Variants in PHACTR2 observed in about 807,000 individuals in gnomAD.
PHACTR2 encodes the protein chromosome 6 open reading frame 56.
In PHACTR2, 30 loss-of-function variants were observed where a neutral mutation model predicts 76.0. That is an observed-to-expected ratio of 0.39 (90% CI 0.30 to 0.54). The LOEUF (loss-of-function observed/expected upper bound fraction) is 0.54. PHACTR2 is among the 20% of genes least tolerant of loss of function. The pLI, the probability that PHACTR2 is intolerant of heterozygous loss-of-function variation, is 0.61. For missense variants in PHACTR2, 696 were observed against 781.1 expected (o/e 0.89, Z 1.30); for synonymous variants, 292 against 292.5 (o/e 1.00, Z 0.02).
At chr6:143,796,573 C>T (rs1008123507) in intron 11 of PHACTR2, among the ~76,000 whole-genome samples, 4 of 152,044 alleles carry the variant, frequency 2.6e-5, no homozygotes, top group Admixed American at 1.3e-4. Flanking sequence ...TCCCCCACCC[C>T]CTACAGGCCC....
rs1029503220 is a variant in PHACTR2 at position 143,779,325 on chromosome 6, G to A, written c.1645+1942G>A. Among the ~76,000 whole-genome samples, 5 of 151,478 alleles carry A rather than the reference G, an allele frequency of 3.3e-5. 1 individual carries two copies. The South Asian group carries it at 6.3e-4, about 19-fold the overall frequency. On this transcript the variant is annotated intron_variant, in intron 9 of 12. Coordinates refer to ENST00000440869, the MANE Select transcript of PHACTR2 (RefSeq NM_001100164.2). ...TATGTGATACAGTGTGGTTTTTAAG[G>A]ACGTTTACTTTAACTAGGTCATCTT... is the stretch of plus-strand genomic sequence containing the variant.
Position 143,625,269 on chromosome 6 carries a change from A to C in PHACTR2, c.13+16947A>C, listed in dbSNP as rs767319496. On this transcript the variant is annotated intron_variant, in intron 1 of 11. Coordinates refer to the PHACTR2 transcript ENST00000305766. The surrounding 1 kb of genome is among the most constrained non-coding windows in gnomAD (Gnocchi z 4.3). ...ATGTATACGTACAATAGAATTAGAT[A>C]GTTTCTGTGCCAGAATTCTTATTTA... Among the ~76,000 whole-genome samples the C allele has an allele frequency of 5.9e-5, 9 of 152,202 alleles. No homozygotes were observed. Among genetic ancestry groups the C allele is most frequent in the Non-Finnish European group, 1.3e-4 (9 of 68,028 alleles).
chr6:143,589,946 A>G lies in PHACTR2; in HGVS notation c.217+52739A>G, dbSNP rs1210063944. Among the ~76,000 whole-genome samples, 1 of 152,194 alleles carries G rather than the reference A, an allele frequency of 6.6e-6. No individual in the cohort carries two copies. Among genetic ancestry groups the G allele is most frequent in the Non-Finnish European group, 1.5e-5 (1 of 68,026 alleles). On this transcript the variant is annotated intron_variant, in intron 1 of 11. Transcript: ENST00000367584. The surrounding 1 kb of genome is among the most constrained non-coding windows in gnomAD (Gnocchi z 4.4). ...AAAGTAGATGGCAAATTCCTAAACAAAACGTAACCTAACCCAGCAATGTGT... is the reference window on the plus strand; with the variant it reads ...AAAGTAGATGGCAAATTCCTAAACAGAACGTAACCTAACCCAGCAATGTGT...
intron 1 of PHACTR2, among the ~76,000 whole-genome samples, chr6:143,690,214 T>G (rs1777613179): frequency 6.6e-6 from 1 of 152,224 alleles, no homozygotes; most frequent in South Asian, 2.1e-4. Context: ...CTCAATATGT[T>G]CAAATACTCG....
In PHACTR2 at chr6:143,777,433, T is replaced by G. The variant is rs759689318; in HGVS notation, c.1645+50T>G. 29 of 961,322 alleles carry G rather than the reference T, an allele frequency of 3.0e-5. No homozygotes were observed. Among genetic ancestry groups the G allele is most frequent in the Non-Finnish European group, 4.2e-5 (26 of 625,194 alleles). The allele number at this position is 961,322 out of a possible 1,614,324, so 59.5% of individuals were successfully genotyped here. ...ATTCCTTGTGTAATCGCTAACAAGC[T>G]GCCTCTACAGATGATCGATTTATCA... On this transcript the variant is annotated intron_variant, in intron 9 of 12. Transcript: ENST00000440869. The surrounding 1 kb of genome is among the most constrained non-coding windows in gnomAD (Gnocchi z 4.6).
chr6:143,591,531 G>A lies in PHACTR2; in HGVS notation c.217+54324G>A, dbSNP rs1419240590. On this transcript the variant is annotated intron_variant, in intron 1 of 11. Transcript: ENST00000367584. The surrounding 1 kb of genome is among the most constrained non-coding windows in gnomAD (Gnocchi z 6.4). ...AGCCAGGGGTTATGTGTTTCCAAGA[G>A]CAGCATGAACACAGCCCAGAGAGGC... 6.6e-6 allele frequency among the ~76,000 whole-genome samples: 1 copy of A among 152,170 alleles called. No homozygotes were observed. The highest frequency in any genetic ancestry group is 1.9e-4 in the East Asian group (1 of 5,184).
At position 143,625,400 on chromosome 6, in the gene PHACTR2, T is replaced by A. The variant is rs1030576901; in HGVS notation, c.13+17078T>A. ...ATATTTAAGTTATAAATTTATTAGT[T>A]ATTTATAACTTAATCTTTATAAGCA... On this transcript the variant is annotated intron_variant, in intron 1 of 11. Transcript: ENST00000305766. The surrounding 1 kb of genome is among the most constrained non-coding windows in gnomAD (Gnocchi z 4.3). 2.6e-5 allele frequency among the ~76,000 whole-genome samples: 4 copies of A among 152,196 alleles called. No individual in the cohort carries two copies. The highest frequency in any genetic ancestry group is 9.6e-5 in the African/African-American group (4 of 41,462).
At chr6:143,575,728 C>T (rs1225335952) in intron 1 of PHACTR2, among the ~76,000 whole-genome samples, 1 of 151,990 alleles carries the variant, frequency 6.6e-6, no homozygotes, top group Non-Finnish European at 1.5e-5. Flanking sequence ...TTGTTTTTAA[C>T]TATTTAATGT....
rs2128479345 is a variant in PHACTR2 at position 143,787,604 on chromosome 6, AC to A, written c.1708-1166del. The stretch of plus-strand genomic sequence containing the variant: ...GGCTGTTAATGACTACAGAATGTAG[AC>A]CCAGTGCAAAATAAGGAATATCTCT... On this transcript the variant is annotated intron_variant, in intron 10 of 12. Coordinates refer to ENST00000440869, the MANE Select transcript of PHACTR2 (RefSeq NM_001100164.2). This position sits in a 1 kb window ranked among gnomAD's most constrained non-coding sequence, Gnocchi z 4.6. Among the ~76,000 whole-genome samples, 1 of 152,266 alleles carries A rather than the reference AC, an allele frequency of 6.6e-6. No individual in the cohort carries two copies. Among genetic ancestry groups the A allele is most frequent in the East Asian group, 1.9e-4 (1 of 5,172 alleles).
intron 1 of PHACTR2, among the ~76,000 whole-genome samples, chr6:143,609,123 C>G (rs1054916073): frequency 7.9e-5 from 12 of 152,280 alleles, no homozygotes; most frequent in African/African-American, 2.9e-4. Context: ...CTGGTATCAG[C>G]TTGAAGGTGA....
chr6:143,538,784 A>G (rs1475169325), intron 1 of PHACTR2, among the ~76,000 whole-genome samples: 1 of 152,248 alleles, frequency 6.6e-6, no homozygotes, highest in East Asian at 1.9e-4. Context: ...AAAAACCTCA[A>G]AAGCATTGCC....
At position 143,801,665 on chromosome 6, in the gene PHACTR2, G is replaced by A. The variant is rs998957637; in HGVS notation, c.1846-5392G>A. Among the ~76,000 whole-genome samples the A allele has an allele frequency of 1.3e-5, 2 of 152,088 alleles. No individual in the cohort carries two copies. Among genetic ancestry groups the A allele is most frequent in the Admixed American group, 1.3e-4 (2 of 15,258 alleles). ...GATCATGCTCCTTTAGCTCGGAGAA[G>A]TTTGTTATTACTGACCTTCTGAAGC... is the stretch of plus-strand genomic sequence containing the variant. On this transcript the variant is annotated intron_variant, in intron 11 of 12. Coordinates refer to ENST00000440869, the MANE Select transcript of PHACTR2 (RefSeq NM_001100164.2). This position sits in a 1 kb window ranked among gnomAD's most constrained non-coding sequence, Gnocchi z 4.6.
At position 143,597,014 on chromosome 6, in the gene PHACTR2, C is replaced by T. The variant is rs145759570; in HGVS notation, c.217+59807C>T. On this transcript the variant is annotated intron_variant, in intron 1 of 11. Coordinates refer to the PHACTR2 transcript ENST00000367584. This position sits in a 1 kb window ranked among gnomAD's most constrained non-coding sequence, Gnocchi z 5.7. ...GCTGCCAGCACAGCCCTCCTGCCTC[C>T]TTCCCTCCTGCGTTTCTGCTCCCAG... 1.3e-5 allele frequency among the ~76,000 whole-genome samples: 2 copies of T among 152,316 alleles called. No homozygotes were observed. Among genetic ancestry groups the T allele is most frequent in the Non-Finnish European group, 2.9e-5 (2 of 68,030 alleles).
In PHACTR2 at chr6:143,823,183, C is replaced by T. The variant is rs1776461503; in HGVS notation, c.1923-491C>T. The stretch of plus-strand genomic sequence containing the variant: ...TACCTGTGGAACATCTGGGGGGAAG[C>T]GCCCTGTGGGCTTTTGGAAATTCAA... On this transcript the variant is annotated intron_variant, in intron 12 of 12. Transcript: ENST00000440869. The surrounding 1 kb of genome is among the most constrained non-coding windows in gnomAD (Gnocchi z 5.7). 3.3e-5 allele frequency among the ~76,000 whole-genome samples: 5 copies of T among 152,320 alleles called. No individual in the cohort carries two copies. Among genetic ancestry groups the T allele is most frequent in the Non-Finnish European group, 1.5e-5 (1 of 68,040 alleles).
rs1426649792 is a variant in PHACTR2 at position 143,795,717 on chromosome 6, TTA to T, written c.1845+6808_1845+6809del. Among the ~76,000 whole-genome samples the T allele has an allele frequency of 6.6e-6, 1 of 152,214 alleles. No homozygotes were observed. The highest frequency in any genetic ancestry group is 1.5e-5 in the Non-Finnish European group (1 of 68,028). On this transcript the variant is annotated intron_variant, in intron 11 of 12. Coordinates refer to ENST00000440869, the MANE Select transcript of PHACTR2 (RefSeq NM_001100164.2). The surrounding 1 kb of genome is among the most constrained non-coding windows in gnomAD (Gnocchi z 4.8). ...ATGGATTGATCCTTGACTTGGCCAC[TTA>T]GTAGTTGTTTGACCTTGGCCAAGTC...
chr6:143,649,254 C>A (rs565800174), intron 1 of PHACTR2, among the ~76,000 whole-genome samples: 1 of 152,218 alleles, frequency 6.6e-6, no homozygotes, highest in South Asian at 2.1e-4. Context: ...GGGTGTGAAA[C>A]AGCACAAATC....
At chr6:143,563,375 G>A (rs1302561018) in intron 1 of PHACTR2, among the ~76,000 whole-genome samples, 2 of 143,448 alleles carry the variant, frequency 1.4e-5, no homozygotes, top group East Asian at 2.0e-4. Context: ...CCATCCTTGC[G>A]AACATGGTGA....
Position 143,611,634 on chromosome 6 carries a change from G to C in PHACTR2, c.13+3312G>C, listed in dbSNP as rs1007319208. On this transcript the variant is annotated intron_variant, in intron 1 of 11. Transcript: ENST00000305766. The surrounding 1 kb of genome is among the most constrained non-coding windows in gnomAD (Gnocchi z 4.4). The stretch of plus-strand genomic sequence containing the variant: ...CTCCTGTAAAGCTTTTGGTACAATG[G>C]CTGGCATATGGCAGCATACAATGCA... Among the ~76,000 whole-genome samples the C allele has an allele frequency of 3.3e-5, 5 of 152,212 alleles. No individual in the cohort carries two copies. The highest frequency in any genetic ancestry group is 4.4e-5 in the Non-Finnish European group (3 of 68,036).
At chr6:143,704,588 A>C (rs1778001566) in intron 1 of PHACTR2, among the ~76,000 whole-genome samples, 1 of 152,242 alleles carries the variant, frequency 6.6e-6, no homozygotes, top group South Asian at 2.1e-4. Context: ...AAAATGGTAC[A>C]GAGAGATCTT....
Sources: gnomAD v4.1 joint callset for allele counts (sites outside exome capture counted in the v4.1 genomes callset) on GRCh38, gnomAD v4.1.1 for gene constraint, Gnocchi (gnomAD v3.1) non-coding constraint, MANE v1.5 for transcripts, NCBI Gene and HGNC (gene_info 2026-07-23, HGNC 2026-07-21) for gene names.